DYNC1I1: variants seen among roughly 807,000 people sequenced by gnomAD.
The protein encoded by DYNC1I1 is dynein cytoplasmic 1 intermediate chain 1, also known as cytoplasmic dynein 1 intermediate chain 1.
In DYNC1I1, 43 loss-of-function variants were observed where a neutral mutation model predicts 86.6. The ratio of observed to expected loss-of-function variants is 0.50; its 90% CI spans 0.39 to 0.64. DYNC1I1 has a LOEUF of 0.64. Among genes scored for constraint, DYNC1I1 ranks in the 30% least tolerant of loss-of-function variants. The pLI is 0.00. For synonymous variants in DYNC1I1, 262 were observed against 283.7 expected, an observed-to-expected ratio of 0.92 and a Z score of 0.77; for missense variants, 604 against 788.8, an observed-to-expected ratio of 0.77 and a Z score of 2.81.
intron 12 of DYNC1I1, among the ~76,000 whole-genome samples, chr7:96,034,798 G>T (rs1794893508): frequency 6.6e-6 from 1 of 152,070 alleles, no homozygotes; most frequent in East Asian, 1.9e-4. Flanking sequence ...TAGTTTATTT[G>T]CACAAGAAAG....
downstream of DYNC1I1, among the ~76,000 whole-genome samples, chr7:96,101,038 G>T (rs369679368): frequency 1.3e-5 from 2 of 152,146 alleles, no homozygotes; most frequent in East Asian, 3.9e-4. Context: ...CAGTCACAGA[G>T]TGGGGCTTGC....
intron 10 of DYNC1I1, among the ~76,000 whole-genome samples, chr7:96,011,794 C>T (rs1215980364): frequency 1.3e-5 from 2 of 152,142 alleles, no homozygotes; most frequent in African/African-American, 4.8e-5. Context: ...TAGTCTTTGA[C>T]ACCAGTTATA....
At chr7:96,008,516 C>T (rs756824221) in intron 10 of DYNC1I1, among the ~76,000 whole-genome samples, 3 of 152,042 alleles carry the variant, frequency 2.0e-5, no homozygotes, top group Admixed American at 6.6e-5. Flanking sequence ...ATTTCTCTGT[C>T]GTACTTCATC....
At chr7:95,923,882 C>T (rs1361919136) in intron 6 of DYNC1I1, among the ~76,000 whole-genome samples, 2 of 152,056 alleles carry the variant, frequency 1.3e-5, no homozygotes, top group Non-Finnish European at 2.9e-5. Flanking sequence ...TCCTGCATAA[C>T]AATTACTTAC....
rs372390165 is a variant in DYNC1I1 at position 95,838,701 on chromosome 7, A to AT, written c.374+10593dup. Among the ~76,000 whole-genome samples the AT allele has an allele frequency of 3.8e-3, 582 of 151,770 alleles. 4 individuals are homozygous for AT. The highest frequency in any genetic ancestry group is 0.013 in the African/African-American group (551 of 41,398). On this transcript the variant is annotated intron_variant, in intron 5 of 16. Coordinates refer to ENST00000447467, the MANE Select transcript of DYNC1I1 (RefSeq NM_001135556.2). ...ATGTCTTTTCATTTCTTTGTCTTCA[A>AT]TTTTTTTTCATAAATGCTTCATAGT...
At chr7:95,916,944 A>G (rs949389995) in intron 6 of DYNC1I1, among the ~76,000 whole-genome samples, 3 of 152,210 alleles carry the variant, frequency 2.0e-5, no homozygotes, top group African/African-American at 7.2e-5. Flanking sequence ...AGGCATCAAT[A>G]AAACCAGGCA....
chr7:95,899,155 A>G (rs950081090), intron 6 of DYNC1I1, among the ~76,000 whole-genome samples: 1 of 152,148 alleles, frequency 6.6e-6, no homozygotes, highest in African/African-American at 2.4e-5. Context: ...AGTGCCTTAC[A>G]AATTGTAGAT....
At chr7:95,889,029 G>T (rs1255705310) in intron 6 of DYNC1I1, among the ~76,000 whole-genome samples, 1 of 152,122 alleles carries the variant, frequency 6.6e-6, no homozygotes, top group Admixed American at 6.5e-5. Flanking sequence ...AGCTGCAATT[G>T]GGGTTTGACC....
intron 10 of DYNC1I1, among the ~76,000 whole-genome samples, chr7:96,021,396 A>G (rs1452732078): frequency 6.6e-6 from 1 of 152,112 alleles, no homozygotes; most frequent in Non-Finnish European, 1.5e-5. Context: ...AAAGAGGGAG[A>G]AATAGTTGTT....
chr7:95,825,221 T>G (rs1252784388), intron 4 of DYNC1I1, among the ~76,000 whole-genome samples: 1 of 152,222 alleles, frequency 6.6e-6, no homozygotes, highest in Non-Finnish European at 1.5e-5. Flanking sequence ...GTGGATGATT[T>G]GATAGAATCA....
At chr7:95,947,098 C>G (rs1792423661) in intron 6 of DYNC1I1, among the ~76,000 whole-genome samples, 4 of 152,162 alleles carry the variant, frequency 2.6e-5, no homozygotes. Flanking sequence ...AGTTAACTAG[C>G]TTCTCTGAGT....
chr7:95,836,949 A>T (rs1197115541), intron 5 of DYNC1I1, among the ~76,000 whole-genome samples: 1 of 152,022 alleles, frequency 6.6e-6, no homozygotes, highest in Non-Finnish European at 1.5e-5. Flanking sequence ...TGATCGTCTG[A>T]AGCCTTCTTC....
intron 13 of DYNC1I1, 86 bp downstream of exon 13, chr7:96,035,838 A>G (rs2116017203): frequency 1.9e-6 from 3 of 1,568,402 alleles, no homozygotes; most frequent in East Asian, 2.3e-5. Context: ...ACCTTGCATT[A>G]TGAGAAAGCA....
intron 5 of DYNC1I1, 91 bp downstream of exon 5, chr7:95,828,207 C>A: frequency 7.0e-7 from 1 of 1,430,436 alleles, no homozygotes; most frequent in South Asian, 1.2e-5. Flanking sequence ...TGTGTTCTCC[C>A]CTTTTGTTGA....
chr7:95,839,924 A>G (rs1789234420), intron 5 of DYNC1I1, among the ~76,000 whole-genome samples: 1 of 151,864 alleles, frequency 6.6e-6, no homozygotes, highest in Non-Finnish European at 1.5e-5. Flanking sequence ...CATGATTTCT[A>G]TTGAAAAATC....
intron 1 of DYNC1I1, among the ~76,000 whole-genome samples, chr7:95,779,082 G>A (rs1156599917): frequency 6.6e-6 from 1 of 152,186 alleles, no homozygotes; most frequent in Non-Finnish European, 1.5e-5. Context: ...CTGGCATCTA[G>A]TGGGTAGAGG....
At chr7:96,050,684 ATT>A (rs1248876893) in intron 14 of DYNC1I1, among the ~76,000 whole-genome samples, 1 of 152,062 alleles carries the variant, frequency 6.6e-6, no homozygotes, top group African/African-American at 2.4e-5. Flanking sequence ...TATCCCCATG[ATT>A]GCCACTAGAC....
chr7:95,778,708 C>T (rs1721416268), intron 1 of DYNC1I1, among the ~76,000 whole-genome samples: 1 of 152,082 alleles, frequency 6.6e-6, no homozygotes, highest in South Asian at 2.1e-4. Context: ...GTTGCTTAGG[C>T]TGGAGAGCAG....
At chr7:95,855,977 TCTTCAATAGTAAATTAAC>T (rs1348748763) in intron 5 of DYNC1I1, among the ~76,000 whole-genome samples, 3 of 152,216 alleles carry the variant, frequency 2.0e-5, no homozygotes, top group African/African-American at 7.2e-5. Context: ...TTTTTTCCTT[TCTTCAATAGTAAATTAAC>T]CTCAGTTTAC....
Sources: allele counts gnomAD v4.1 joint callset (sites outside exome capture counted in the v4.1 genomes callset), GRCh38; gene constraint gnomAD v4.1.1; transcripts MANE v1.5; gene names NCBI Gene and HGNC (gene_info 2026-07-23, HGNC 2026-07-21).